The following KCNJ15 variants were observed in gnomAD, a reference collection of about 807,000 sequenced individuals.
The protein encoded by KCNJ15 is potassium inwardly rectifying channel subfamily J member 15, also known as ATP-sensitive inward rectifier potassium channel 15.
Under a neutral mutation model 23.0 loss-of-function variants are expected in KCNJ15, and 14 were observed. The observed-to-expected ratio is 0.61, with a 90% CI of 0.40 to 0.95. The LOEUF is 0.95. KCNJ15 is among the 40% of genes least tolerant of loss of function. The probability of loss-of-function intolerance (pLI) is 0.00; values close to 1 mark genes in which losing one functional copy is unlikely to be tolerated. For missense variants in KCNJ15, 388 were observed against 461.8 expected (o/e 0.84, Z 1.46); for synonymous variants, 185 against 183.2 (o/e 1.01, Z -0.08).
intron 1 of KCNJ15, chr21:38,238,623 C>T (rs899150679): frequency 3.2e-5 from 19 of 596,080 alleles, no homozygotes; most frequent in South Asian, 2.6e-4. Flanking sequence ...AGCTGTGCAA[C>T]CAGAGCGGGT....
chr21:38,276,599 T>A (rs1340331211), intron 1 of KCNJ15, among the ~76,000 whole-genome samples: 2 of 152,098 alleles, frequency 1.3e-5, no homozygotes, highest in East Asian at 1.9e-4. Flanking sequence ...AGAGAACTAT[T>A]GGGCACTGGG....
chr21:38,297,622 G>A (rs1985295724), intron 2 of KCNJ15, among the ~76,000 whole-genome samples: 1 of 152,210 alleles, frequency 6.6e-6, no homozygotes, highest in Admixed American at 6.5e-5. Context: ...CTTTATTGTG[G>A]TCACTTTCCT....
intron 1 of KCNJ15, among the ~76,000 whole-genome samples, chr21:38,260,267 T>C (rs572382235): frequency 6.6e-6 from 1 of 152,348 alleles, no homozygotes; most frequent in South Asian, 2.1e-4. Context: ...GGAACACGTC[T>C]CTGGATGAAT....
intron 1 of KCNJ15, among the ~76,000 whole-genome samples, chr21:38,294,004 A>G (rs4355195): frequency 0.1 from 15,867 of 151,986 alleles, 2,347 homozygotes; most frequent in African/African-American, 0.33. Context: ...GCCAAAGGTC[A>G]TGGTGCATGT....
chr21:38,246,125 A>G (rs762656671), intron 1 of KCNJ15, among the ~76,000 whole-genome samples: 71 of 152,388 alleles, frequency 4.7e-4, no homozygotes, highest in Non-Finnish European at 8.5e-4. Flanking sequence ...CACGGTAGAC[A>G]TAAGGCATTT....
In KCNJ15 at chr21:38,294,893, A is replaced by G. The variant is rs115420046; in HGVS notation, c.-116-2033A>G. Among the ~76,000 whole-genome samples, 998 of 152,358 alleles carry G rather than the reference A, an allele frequency of 6.6e-3. 7 individuals carry two copies. The highest frequency in any genetic ancestry group is 0.021 in the African/African-American group (890 of 41,574). On this transcript the variant is annotated intron_variant, in intron 1 of 2. Coordinates refer to ENST00000398938, the MANE Select transcript of KCNJ15 (RefSeq NM_170736.3). ...AAAGTAATACTGACCTATCCATTCA[A>G]TAGTTGTAAGAACTTCACTTAGGTA...
chr21:38,282,471 A>G lies in KCNJ15; in HGVS notation c.-116-14455A>G, dbSNP rs559700866. ...ATGTACAACTAATTTTCTCTTCAAG[A>G]TAGAACATTGTGGCATATTCTTTGT... On this transcript the variant is annotated intron_variant, in intron 1 of 2. Transcript: ENST00000398938. Among the ~76,000 whole-genome samples, 35 of 152,180 alleles carry G rather than the reference A, an allele frequency of 2.3e-4. 1 individual carries two copies. The highest frequency in any genetic ancestry group is 5.0e-4 in the Non-Finnish European group (34 of 68,038).
chr21:38,304,085 G>A lies in KCNJ15; in HGVS notation c.*3696G>A, dbSNP rs1985955118. 6.7e-6 allele frequency: 1 copy of A among 149,392 alleles called. No individual in the cohort carries two copies. Among genetic ancestry groups the A allele is most frequent in the Non-Finnish European group, 1.5e-5 (1 of 67,538 alleles). 9.3% of individuals were successfully genotyped at this position (149,392 alleles called of 1,614,324 possible). ...TTTTTTTTTTTGAACTTGAAAATCA[G>A]CTTTTTATTTTTTTTAATTTTATTA... is the stretch of plus-strand genomic sequence containing the variant. On this transcript the variant is annotated 3_prime_UTR_variant, in exon 3 of 3. Transcript: ENST00000398938.
chr21:38,280,252 C>T (rs1983175412), intron 1 of KCNJ15, among the ~76,000 whole-genome samples: 1 of 152,134 alleles, frequency 6.6e-6, no homozygotes, highest in Admixed American at 6.5e-5. Flanking sequence ...TATTTGCAGC[C>T]ACTGTTGCAC....
At chr21:38,289,152 G>A (rs1156432623) in intron 1 of KCNJ15, among the ~76,000 whole-genome samples, 5 of 136,438 alleles carry the variant, frequency 3.7e-5, no homozygotes, top group African/African-American at 1.5e-4. Flanking sequence ...AGCTGAGATC[G>A]CACCATTGCA....
chr21:38,236,649 T>C (rs944077645), intron 1 of KCNJ15, among the ~76,000 whole-genome samples: 1 of 152,204 alleles, frequency 6.6e-6, no homozygotes. Context: ...AAACAGGCTC[T>C]CCCTGTGAAT....
chr21:38,259,117 A>G (rs1980604680), intron 1 of KCNJ15, among the ~76,000 whole-genome samples: 1 of 152,230 alleles, frequency 6.6e-6, no homozygotes, highest in Non-Finnish European at 1.5e-5. Context: ...GGCACGGAAT[A>G]GAGAGGCAAA....
In KCNJ15 at chr21:38,284,321, C is replaced by T. The variant is rs145295786; in HGVS notation, c.-116-12605C>T. ...TCTGAATCAGTAAGATAGCCTCCGC[C>T]CACCCCAACACACCTCATTTCCATG... On this transcript the variant is annotated intron_variant, in intron 1 of 2. Transcript: ENST00000398938. Among the ~76,000 whole-genome samples, 897 of 152,230 alleles carry T rather than the reference C, an allele frequency of 5.9e-3. 8 individuals are homozygous for T. The highest frequency in any genetic ancestry group is 0.021 in the African/African-American group (862 of 41,540).
At chr21:38,238,541 C>A in intron 1 of KCNJ15, 1 of 639,246 alleles carries the variant, frequency 1.6e-6, no homozygotes, top group Admixed American at 1.9e-5. Context: ...GCCACCGGGA[C>A]ATGGTGCATG....
chr21:38,287,106 T>A (rs1005080760), intron 1 of KCNJ15, among the ~76,000 whole-genome samples: 7 of 152,226 alleles, frequency 4.6e-5, no homozygotes, highest in African/African-American at 1.7e-4. Context: ...GTTTAAACAC[T>A]TTATTCTGAG....
chr21:38,235,543 G>C (rs2123541201), intron 1 of KCNJ15, among the ~76,000 whole-genome samples: 1 of 152,250 alleles, frequency 6.6e-6, no homozygotes, highest in South Asian at 2.1e-4. Flanking sequence ...AACAGAGCAA[G>C]ACTTCATCTC....
At position 38,234,795 on chromosome 21, in the gene KCNJ15, T is replaced by C. The variant is rs187304855; in HGVS notation, c.-398-22251T>C. On this transcript the variant is annotated intron_variant, in intron 1 of 4. Transcript: ENST00000547341. ...TTTCAGAAGCTGAATAATGAGCAAA[T>C]CCTTTTTTACAATGTTTTATATTTT... Among the ~76,000 whole-genome samples, 290 of 152,346 alleles carry C rather than the reference T, an allele frequency of 1.9e-3. 1 individual carries two copies. The highest frequency in any genetic ancestry group is 3.3e-3 in the Admixed American group (51 of 15,298).
chr21:38,276,291 T>A (rs1982688663), intron 1 of KCNJ15, among the ~76,000 whole-genome samples: 2 of 152,084 alleles, frequency 1.3e-5, no homozygotes, highest in African/African-American at 4.8e-5. Context: ...TGAATGATGT[T>A]TTGGTAATTA....
chr21:38,236,453 T>A (rs2123543176), intron 1 of KCNJ15, among the ~76,000 whole-genome samples: 1 of 152,330 alleles, frequency 6.6e-6, no homozygotes, highest in African/African-American at 2.4e-5. Context: ...GCATATCTAG[T>A]ACTTTGCTAG....
Sources: gnomAD v4.1 joint callset for allele counts (sites outside exome capture counted in the v4.1 genomes callset) on GRCh38, gnomAD v4.1.1 for gene constraint, MANE v1.5 for transcripts, NCBI Gene and HGNC (gene_info 2026-07-23, HGNC 2026-07-21) for gene names.